The following TAF2 variants were observed in gnomAD, a reference collection of about 807,000 sequenced individuals.
TAF2 encodes TATA-box binding protein associated factor 2, also known as transcription initiation factor TFIID subunit 2.
A neutral mutation model predicts 138.5 loss-of-function variants in TAF2; 61 were observed. The ratio of observed to expected loss-of-function variants is 0.44; its 90% CI spans 0.36 to 0.54. The LOEUF is 0.54. TAF2 is among the 20% of genes least tolerant of loss of function. The pLI is 0.00. For synonymous variants in TAF2, 475 were observed against 469.9 expected (o/e 1.01, Z -0.14); for missense variants, 1,090 against 1,427.9 (o/e 0.76, Z 3.81).
chr8:119,809,905 A>G (rs1824918911), intron 3 of TAF2, among the ~76,000 whole-genome samples: 2 of 151,660 alleles, frequency 1.3e-5, no homozygotes, highest in African/African-American at 4.8e-5. Context: ...AATTACAAAA[A>G]TGTGACATAG....
chr8:119,755,961 A>T lies in TAF2; in HGVS notation c.2878+45T>A, dbSNP rs1820673952. On this transcript the variant is annotated intron_variant, in intron 22 of 25. Coordinates refer to ENST00000378164, the MANE Select transcript of TAF2 (RefSeq NM_003184.4). ...ATTGAAAATCTGTTGTAAAATCAAA[A>T]TACTCTAGTAATAATAAAAACAATT... The T allele has an allele frequency of 7.9e-6, 11 of 1,399,004 alleles. No individual in the cohort carries two copies. The East Asian group carries it at 2.5e-4, about 32-fold the overall frequency. The allele number at this position is 1,399,004 out of a possible 1,614,324, so 86.7% of individuals were successfully genotyped here.
intron 18 of TAF2, among the ~76,000 whole-genome samples, chr8:119,772,197 T>C (rs1821888811): frequency 6.6e-6 from 1 of 152,236 alleles, no homozygotes; most frequent in Non-Finnish European, 1.5e-5. Flanking sequence ...GTAAAGTTTA[T>C]TGCATTGCAT....
intron 22 of TAF2, among the ~76,000 whole-genome samples, chr8:119,748,557 A>C (rs896670063): frequency 2.6e-5 from 4 of 152,094 alleles, no homozygotes; most frequent in Non-Finnish European, 5.9e-5. Context: ...AGAGCTACAG[A>C]CAACCAAGTA....
chr8:119,788,182 A>C (rs1823158781), intron 14 of TAF2, among the ~76,000 whole-genome samples, 156 bp downstream of exon 14: 1 of 152,134 alleles, frequency 6.6e-6, no homozygotes, highest in Non-Finnish European at 1.5e-5. Context: ...GCACGTGTAC[A>C]CCTATGTAAC....
rs759121476 is a variant in TAF2 at position 119,742,550 on chromosome 8, A to G, written c.3321T>C (p.Leu1107=). 21 of 1,613,886 alleles carry G rather than the reference A, an allele frequency of 1.3e-5. No individual in the cohort carries two copies. In the South Asian group the frequency reaches 2.0e-4, roughly 15 times the overall value. The stretch of plus-strand genomic sequence containing the variant: ...TATTTTTACCTGTTCCCTTCCGTGC[A>G]AGTTCCAAACTCCACTGGGGTTTTG... ...PTTKPQWSLE[L]ARKGTGKEQA... Residue 1107 remains leucine (L), a synonymous_variant, in exon 25 of 26, where the codon CTT becomes CTC. Transcript: ENST00000378164.
chr8:119,784,352 C>CA (rs1455659887), intron 15 of TAF2, among the ~76,000 whole-genome samples: 1 of 152,008 alleles, frequency 6.6e-6, no homozygotes. Flanking sequence ...GTCAGGGGTT[C>CA]AAGACCAGCC....
chr8:119,818,733 CA>C (rs1825639166), intron 3 of TAF2, among the ~76,000 whole-genome samples: 4 of 83,588 alleles, frequency 4.8e-5, no homozygotes, highest in Admixed American at 1.8e-4. Context: ...AAATGAAGTC[CA>C]CACACACACA....
rs541726755 is a variant in TAF2, at chr8:119,777,371, T to C, written c.2364+648A>G. The stretch of plus-strand genomic sequence containing the variant: ...TTTCCCTATCAGGTTGTGTCCTTGA[T>C]GGTGTAAAATCAGACTAATATAGAG... On this transcript the variant is annotated intron_variant, in intron 18 of 25. Transcript: ENST00000378164. Among the ~76,000 whole-genome samples, 5 of 152,272 alleles carry C rather than the reference T, an allele frequency of 3.3e-5. No homozygotes were observed. In the South Asian group the frequency reaches 1.0e-3, roughly 32 times the overall value.
chr8:119,822,336 C>T (rs905574970), intron 2 of TAF2, among the ~76,000 whole-genome samples: 1 of 151,924 alleles, frequency 6.6e-6, no homozygotes, highest in African/African-American at 2.4e-5. Flanking sequence ...ATCCTCCCAC[C>T]TCAGCCTCCA....
intron 25 of TAF2, among the ~76,000 whole-genome samples, chr8:119,740,967 G>GC (rs1819568280): frequency 6.6e-6 from 1 of 151,952 alleles, no homozygotes; most frequent in Admixed American, 6.6e-5. Flanking sequence ...TTTGCCTCAT[G>GC]CCAAGAAAGG....
At chr8:119,769,188 T>C (rs955533243) in intron 18 of TAF2, among the ~76,000 whole-genome samples, 3 of 152,194 alleles carry the variant, frequency 2.0e-5, no homozygotes, top group Admixed American at 6.5e-5. Context: ...TACTGGCCTG[T>C]AGGCTGAACT....
intron 3 of TAF2, among the ~76,000 whole-genome samples, chr8:119,808,032 CTT>C (rs1311783724): frequency 6.6e-6 from 1 of 152,144 alleles, no homozygotes; most frequent in Non-Finnish European, 1.5e-5. Flanking sequence ...GCTACAGACT[CTT>C]AACTTGACAG....
intron 3 of TAF2, among the ~76,000 whole-genome samples, chr8:119,816,577 G>T (rs1340501938): frequency 6.6e-6 from 1 of 152,098 alleles, no homozygotes; most frequent in Admixed American, 6.5e-5. Flanking sequence ...GTTCATTAAA[G>T]AAAGAAAGTT....
intron 3 of TAF2, among the ~76,000 whole-genome samples, chr8:119,815,899 T>G (rs1424297003): frequency 6.6e-6 from 1 of 152,154 alleles, no homozygotes; most frequent in Non-Finnish European, 1.5e-5. Flanking sequence ...AACCAATATG[T>G]TTTTAAATTG....
chr8:119,783,337 A>G (rs920057394), intron 16 of TAF2, 44 bp downstream of exon 16: 3 of 1,583,834 alleles, frequency 1.9e-6, no homozygotes, highest in Non-Finnish European at 2.6e-6. Context: ...AGATACAAAA[A>G]ATATATACAA....
intron 18 of TAF2, among the ~76,000 whole-genome samples, chr8:119,763,827 C>G (rs1821236127): frequency 6.6e-6 from 1 of 151,644 alleles, no homozygotes; most frequent in South Asian, 2.1e-4. Flanking sequence ...GTACTCCAGC[C>G]TGGGTGACAG....
chr8:119,741,732 C>G (rs1819612239), intron 25 of TAF2, among the ~76,000 whole-genome samples: 1 of 152,150 alleles, frequency 6.6e-6, no homozygotes, highest in Non-Finnish European at 1.5e-5. Context: ...AGTCCATCAA[C>G]TGGAATATAA....
chr8:119,817,503 C>G (rs2131251418), intron 3 of TAF2, among the ~76,000 whole-genome samples: 1 of 152,300 alleles, frequency 6.6e-6, no homozygotes, highest in Middle Eastern at 3.4e-3. Flanking sequence ...TTCCAAGAAA[C>G]TGCTGATTTA....
intron 3 of TAF2, among the ~76,000 whole-genome samples, chr8:119,811,755 G>A (rs978369171): frequency 1.3e-5 from 2 of 149,018 alleles, no homozygotes; most frequent in East Asian, 2.0e-4. Context: ...GCAGTGAGCC[G>A]GGATAGCGCC....
Sources: gnomAD v4.1 joint callset for allele counts (sites outside exome capture counted in the v4.1 genomes callset) on GRCh38, gnomAD v4.1.1 for gene constraint, MANE v1.5 for transcripts, NCBI Gene and HGNC (gene_info 2026-07-23, HGNC 2026-07-21) for gene names.